ZC3H4: variants seen among roughly 807,000 people sequenced by gnomAD.
ZC3H4 encodes zinc finger CCCH domain-containing protein 4.
Under a neutral mutation model 108.3 loss-of-function variants are expected in ZC3H4, and 13 were observed. The observed-to-expected ratio is 0.12, with a 90% CI of 0.08 to 0.19. ZC3H4 has a LOEUF of 0.19. Among genes scored for constraint, ZC3H4 ranks in the 10% least tolerant of loss-of-function variants. The probability of loss-of-function intolerance (pLI) is 1.00; values close to 1 mark genes in which losing one functional copy is unlikely to be tolerated. For synonymous variants in ZC3H4, 917 were observed against 749.6 expected (o/e 1.22, Z -3.65); for missense variants, 1,734 against 1,838.8 (o/e 0.94, Z 1.04).
In ZC3H4 at chr19:47,098,551, G is replaced by A. The variant is rs145655893; in HGVS notation, c.162-3943C>T. The stretch of plus-strand genomic sequence containing the variant: ...GGCCAAGGCAGGCAGATCACCTGAG[G>A]TCAGGAGTTTGAGACTAGCCTTGCC... On this transcript the variant is annotated intron_variant, in intron 2 of 14. Coordinates refer to ENST00000253048, the MANE Select transcript of ZC3H4 (RefSeq NM_015168.2). 7.2e-5 allele frequency among the ~76,000 whole-genome samples: 11 copies of A among 151,832 alleles called. No individual in the cohort carries two copies. In the East Asian group the frequency reaches 2.1e-3, roughly 29 times the overall value.
At chr19:47,075,631 C>CA (rs1254034677) in intron 11 of ZC3H4, among the ~76,000 whole-genome samples, 1 of 152,096 alleles carries the variant, frequency 6.6e-6, no homozygotes. Flanking sequence ...TACACACACA[C>CA]ACTCACACTC....
At chr19:47,094,726 C>A in intron 2 of ZC3H4, 118 bp from the exon 3 acceptor site, 1 of 997,042 alleles carries the variant, frequency 1.0e-6, no homozygotes, top group Non-Finnish European at 1.5e-6. Context: ...CGAAGTGAGA[C>A]CCTGGGAGGA....
intron 2 of ZC3H4, 74 bp from the exon 3 acceptor site, chr19:47,094,682 G>A (rs185396703): frequency 6.6e-7 from 1 of 1,509,636 alleles, no homozygotes; most frequent in East Asian, 2.3e-5. Context: ...GGCTGGCCAA[G>A]GCTGACAGGA....
rs2057789008 is a variant in ZC3H4 at position 47,094,419 on chromosome 19, C to T, written c.351G>A (p.Arg117=). The change falls in exon 3 of 15, where the codon AGG becomes AGA. Residue 117 remains arginine, a synonymous_variant. Coordinates refer to ENST00000253048, the MANE Select transcript of ZC3H4 (RefSeq NM_015168.2). ...GCTTGGATTTCCTCCTCTTCTTCGA[C>T]CTCCTTTTCTCTTTCTCCCGCTCTT... The part of the protein sequence containing the change: ...RKKEREKEKR[R]SKKRRKSKHK... The T allele has an allele frequency of 5.0e-6, 8 of 1,614,170 alleles. No homozygotes were observed. The East Asian group carries it at 1.6e-4, about 31-fold the overall frequency.
Position 47,066,505 on chromosome 19 carries a change from G to C in ZC3H4, c.3763C>G (p.Leu1255Val). The change falls in exon 15 of 15, where the codon CTC (leucine) becomes GTC (valine). Residue 1255 changes from leucine to valine, a missense_variant. By Grantham distance (32) the Leu-to-Val change is conservative. Around this residue, in one of 9 missense-constraint regions of ZC3H4, gnomAD observed 518 missense variants for 499.6 expected, o/e 1.04. Transcript: ENST00000253048. ...GGTGTCTGCTTCACCGTCCCGAAGA[G>C]GGTGGGCACGGGCAGGTTGTGCACC... The part of the protein sequence containing the change: ...PGVHNLPVPT[L>V]FGTVKQTPKT... 1.3e-6 allele frequency: 2 copies of C among 1,575,740 alleles called. No individual in the cohort carries two copies. The highest frequency in any genetic ancestry group is 1.7e-6 in the Non-Finnish European group (2 of 1,159,890).
rs2057196444 is a variant in ZC3H4 at position 47,066,459 on chromosome 19, G to A, written c.3809C>T (p.Pro1270Leu). The A allele has an allele frequency of 6.3e-7, 1 of 1,580,572 alleles. No individual in the cohort carries two copies. Among genetic ancestry groups the A allele is most frequent in the Non-Finnish European group, 8.6e-7 (1 of 1,163,834 alleles). The change falls in exon 15 of 15, where the codon CCA (proline) becomes CTA (leucine). Residue 1270 changes from proline to leucine, a missense_variant. Coordinates refer to ENST00000253048, the MANE Select transcript of ZC3H4 (RefSeq NM_015168.2). ...KQTPKTGSGSPFAGNSPAREG... is the reference protein window; with the variant it reads ...KQTPKTGSGSLFAGNSPAREG... ...GCGGGCCGGACTGTTCCCAGCAAAT[G>A]GGCTTCCTGAGCCCGTCTTGGGTGT...
At chr19:47,085,459 C>A (rs1425416227) in intron 6 of ZC3H4, 45 bp from the exon 7 acceptor site, 2 of 1,487,402 alleles carry the variant, frequency 1.3e-6, no homozygotes, top group South Asian at 2.6e-5. Context: ...AGGTAGGGAA[C>A]AATGAACACT....
chr19:47,110,754 G>A (rs969312541), intron 2 of ZC3H4: 2 of 303,986 alleles, frequency 6.6e-6, no homozygotes, highest in Non-Finnish European at 9.7e-6. Flanking sequence ...GGGCCCGGAA[G>A]CCCAACGAGG....
chr19:47,107,417 G>A (rs2057981321), intron 2 of ZC3H4, among the ~76,000 whole-genome samples: 1 of 152,088 alleles, frequency 6.6e-6, no homozygotes, highest in African/African-American at 2.4e-5. Context: ...CACTGCCGGG[G>A]AGAAGCCAGG....
intron 11 of ZC3H4, among the ~76,000 whole-genome samples, chr19:47,080,356 C>T (rs563232450): frequency 6.6e-6 from 1 of 152,328 alleles, no homozygotes; most frequent in Non-Finnish European, 1.5e-5. Context: ...GACACCTCCC[C>T]CAAGGGAGCC....
chr19:47,087,864 ACT>A (rs1464722184), intron 5 of ZC3H4, among the ~76,000 whole-genome samples: 1 of 150,486 alleles, frequency 6.6e-6, no homozygotes, highest in Non-Finnish European at 1.5e-5. Flanking sequence ...ACAGAGTGAG[ACT>A]CTGTCTCAAA....
chr19:47,111,707 G>A (rs1430867038), intron 2 of ZC3H4, among the ~76,000 whole-genome samples: 1 of 151,474 alleles, frequency 6.6e-6, no homozygotes, highest in African/African-American at 2.4e-5. Flanking sequence ...CCCCAATTCG[G>A]CCTTCTAGGG....
intron 11 of ZC3H4, among the ~76,000 whole-genome samples, chr19:47,073,788 C>T (rs1014968410): frequency 9.2e-5 from 14 of 152,202 alleles, no homozygotes; most frequent in Admixed American, 9.2e-4. Flanking sequence ...ACAGCTCCTG[C>T]GAACAGACTC....
intron 2 of ZC3H4, among the ~76,000 whole-genome samples, chr19:47,105,366 C>A (rs2057955452): frequency 1.3e-5 from 2 of 152,148 alleles, no homozygotes; most frequent in Admixed American, 1.3e-4. Flanking sequence ...TTTGGGAGGC[C>A]AAGGAGGGTG....
chr19:47,084,444 A>C lies in ZC3H4; in HGVS notation c.1119T>G (p.Gly373=). ...FYDEDMGDGG[G]GSYRSRDHDK... is the part of the protein sequence containing the mutation. Reference sequence around the variant, plus strand: ...CATGGTCACGACTCCGGTAGCTTCCACCACCACCGTCCTGCAATGGACAGG... The same window carrying C: ...CATGGTCACGACTCCGGTAGCTTCCCCCACCACCGTCCTGCAATGGACAGG... The change falls in exon 9 of 15, where the codon GGT becomes GGG. Residue 373 remains glycine (G), a synonymous_variant. Coordinates refer to ENST00000253048, the MANE Select transcript of ZC3H4 (RefSeq NM_015168.2). The C allele has an allele frequency of 6.2e-7, 1 of 1,614,102 alleles. No individual in the cohort carries two copies. Among genetic ancestry groups the C allele is most frequent in the Non-Finnish European group, 8.5e-7 (1 of 1,180,020 alleles).
rs545940971 is a variant in ZC3H4, at chr19:47,066,279, C to G, written c.*77G>C. 29 of 1,263,866 alleles carry G rather than the reference C, an allele frequency of 2.3e-5. No homozygotes were observed. The Admixed American group carries it at 3.6e-4, about 16-fold the overall frequency. The allele number at this position is 1,263,866 out of a possible 1,614,324, so 78.3% of individuals were successfully genotyped here. ...AACACCCAGCCTGCCTCCCCTTGCCCCCAAGTTCCCTACCCTGGGTGCTGC... is the reference window on the plus strand; with the variant it reads ...AACACCCAGCCTGCCTCCCCTTGCCGCCAAGTTCCCTACCCTGGGTGCTGC... On this transcript the variant is annotated 3_prime_UTR_variant, in exon 15 of 15. Transcript: ENST00000253048.
chr19:47,105,120 G>A (rs2057952127), intron 2 of ZC3H4, among the ~76,000 whole-genome samples: 1 of 152,138 alleles, frequency 6.6e-6, no homozygotes, highest in Non-Finnish European at 1.5e-5. Context: ...AACTTTAAAT[G>A]GAATATCTAT....
chr19:47,097,250 G>C (rs1292587895), intron 2 of ZC3H4, among the ~76,000 whole-genome samples: 1 of 152,210 alleles, frequency 6.6e-6, no homozygotes, highest in Non-Finnish European at 1.5e-5. Flanking sequence ...CACAAAACAG[G>C]CAGTGACTAC....
chr19:47,112,767 G>C (rs958099354), intron 1 of ZC3H4, among the ~76,000 whole-genome samples, 178 bp from the exon 2 acceptor site: 2 of 152,156 alleles, frequency 1.3e-5, no homozygotes, highest in African/African-American at 4.8e-5. Context: ...AGGGCCGCTC[G>C]CCGCCTGCTT....
Sources: allele counts gnomAD v4.1 joint callset (sites outside exome capture counted in the v4.1 genomes callset), GRCh38; gene constraint gnomAD v4.1.1; regional missense constraint gnomAD v4.1.1; transcripts MANE v1.5; gene names NCBI Gene and HGNC (gene_info 2026-07-23, HGNC 2026-07-21).